ZDHHC11B: variants seen among roughly 807,000 people sequenced by gnomAD.
ZDHHC11B encodes the protein zDHHC palmitoyltransferase 11B (putative).
A neutral mutation model predicts 42.3 loss-of-function variants in ZDHHC11B; 17 were observed. That is an observed-to-expected ratio of 0.40 (90% CI 0.27 to 0.60). ZDHHC11B has a LOEUF of 0.60. Among genes scored for constraint, ZDHHC11B ranks in the 20% least tolerant of loss-of-function variants. ZDHHC11B has a pLI of 0.41. For synonymous variants in ZDHHC11B, 123 were observed against 193.5 expected (o/e 0.64, Z 3.02); for missense variants, 262 against 463.2 (o/e 0.57, Z 3.99).
intron 1 of ZDHHC11B, among the ~76,000 whole-genome samples, chr5:774,874 T>A (rs961111002): frequency 6.6e-6 from 1 of 151,984 alleles, no homozygotes; most frequent in African/African-American, 2.4e-5. Flanking sequence ...GGTGCTCCCT[T>A]GTTCACTGCC....
chr5:759,311 G>C (rs1734274714), intron 4 of ZDHHC11B, among the ~76,000 whole-genome samples: 1 of 151,924 alleles, frequency 6.6e-6, no homozygotes, highest in South Asian at 2.1e-4. Context: ...TCTGCAGGCA[G>C]GAAAAGAGAG....
At chr5:776,463 A>C (rs1310812801) in intron 1 of ZDHHC11B, among the ~76,000 whole-genome samples, 2 of 151,878 alleles carry the variant, frequency 1.3e-5, no homozygotes, top group Non-Finnish European at 2.9e-5. Context: ...GAGACCGGGT[A>C]GGCCCCTGGC....
intron 4 of ZDHHC11B, 125 bp downstream of exon 4, chr5:766,573 T>C (rs1171096579): frequency 1.9e-5 from 21 of 1,087,222 alleles, no homozygotes; most frequent in Middle Eastern, 2.3e-4. Context: ...TCGGGGGACA[T>C]AGTCTGGCCC....
At chr5:730,627 C>T (rs1352746760) in intron 11 of ZDHHC11B, among the ~76,000 whole-genome samples, 159 bp from the exon 12 acceptor site, 1 of 151,732 alleles carries the variant, frequency 6.6e-6, no homozygotes, top group East Asian at 1.9e-4. Context: ...GGTGGCACAG[C>T]ACGCTTCCTC....
At chr5:780,503 G>A (rs565298133) in intron 1 of ZDHHC11B, among the ~76,000 whole-genome samples, 5 of 150,246 alleles carry the variant, frequency 3.3e-5, no homozygotes, top group East Asian at 1.9e-4. Context: ...TGCCCACCAC[G>A]TGGCTTCTGG....
At chr5:783,589 T>C (rs1462290131) in intron 1 of ZDHHC11B, among the ~76,000 whole-genome samples, 9 of 152,148 alleles carry the variant, frequency 5.9e-5, no homozygotes, top group African/African-American at 1.2e-4. Context: ...GCGGTGACAC[T>C]GAGAGGGAAC....
At chr5:737,431 A>C (rs1238595399) in intron 10 of ZDHHC11B, among the ~76,000 whole-genome samples, 5 of 149,276 alleles carry the variant, frequency 3.3e-5, no homozygotes, top group Non-Finnish European at 7.4e-5. Context: ...ATAAGAGGGA[A>C]TCGTCCATAA....
chr5:783,640 AAAC>A (rs1489512509), intron 1 of ZDHHC11B, among the ~76,000 whole-genome samples: 2 of 143,800 alleles, frequency 1.4e-5, no homozygotes, highest in African/African-American at 5.1e-5. Context: ...ACCCCCATCA[AAAC>A]AATAGCCCCC....
intron 10 of ZDHHC11B, 38 bp from the exon 11 acceptor site, chr5:733,877 C>T (rs576076600): frequency 1.3e-6 from 2 of 1,565,784 alleles, no homozygotes; most frequent in East Asian, 4.6e-5. Flanking sequence ...CTCATCTCAG[C>T]TTTGTGGGGG....
intron 11 of ZDHHC11B, 26 bp downstream of exon 11, chr5:733,726 G>A (rs1271193956): frequency 5.6e-6 from 9 of 1,594,620 alleles, no homozygotes; most frequent in Non-Finnish European, 6.9e-6. Flanking sequence ...TGTCCTCAGG[G>A]TGCATTGCTG....
intron 1 of ZDHHC11B, among the ~76,000 whole-genome samples, chr5:777,422 T>TCGCTGCAGACCTCCCTGG (rs1554045105): frequency 4.6e-5 from 7 of 151,748 alleles, no homozygotes; most frequent in Middle Eastern, 3.4e-3. Flanking sequence ...CTGCAGACCT[T>TCGCTGCAGACCTCCCTGG]CGCTGCAGAC....
chr5:717,478 G>C lies in ZDHHC11B; in HGVS notation c.1059-613C>G, dbSNP rs1741841989. ...TGAATGTGTCAGGAATTAGAGACCA[G>C]AAACGCGCAAAATTTTGCTTTGAAA... is the stretch of plus-strand genomic sequence containing the variant. On this transcript the variant is annotated intron_variant, in intron 12 of 13. Coordinates refer to ENST00000508859, the MANE Select transcript of ZDHHC11B (RefSeq NM_001351303.2). Among the ~76,000 whole-genome samples the C allele has an allele frequency of 2.0e-5, 3 of 151,620 alleles. No individual in the cohort carries two copies. The South Asian group carries it at 6.3e-4, about 32-fold the overall frequency.
intron 1 of ZDHHC11B, among the ~76,000 whole-genome samples, chr5:778,505 C>T (rs1736726932): frequency 6.6e-6 from 1 of 151,216 alleles, no homozygotes; most frequent in African/African-American, 2.4e-5. Flanking sequence ...GTCCCTCATC[C>T]AGCGCAGCTT....
chr5:753,643 G>A (rs1329029376), intron 6 of ZDHHC11B, among the ~76,000 whole-genome samples: 6 of 148,186 alleles, frequency 4.0e-5, no homozygotes, highest in African/African-American at 9.8e-5. Context: ...CTTGGCCATC[G>A]TGGAGCTGCT....
chr5:772,801 C>T (rs1436768217), intron 1 of ZDHHC11B, among the ~76,000 whole-genome samples: 10 of 151,922 alleles, frequency 6.6e-5, no homozygotes, highest in Admixed American at 2.0e-4. Flanking sequence ...CAAAGCCCGC[C>T]TCTGCGTGGG....
intron 4 of ZDHHC11B, among the ~76,000 whole-genome samples, chr5:763,954 C>A (rs1156542952): frequency 2.0e-5 from 3 of 151,902 alleles, no homozygotes; most frequent in African/African-American, 7.3e-5. Context: ...CTGGCACCTG[C>A]GGGTCCGCTT....
At chr5:739,208 G>A (rs1380795240) in intron 10 of ZDHHC11B, among the ~76,000 whole-genome samples, 1 of 150,782 alleles carries the variant, frequency 6.6e-6, no homozygotes, top group Non-Finnish European at 1.5e-5. Flanking sequence ...AGACCAGCCT[G>A]GCCAACATGG....
chr5:760,376 C>A (rs533720020), intron 4 of ZDHHC11B, among the ~76,000 whole-genome samples: 122 of 151,752 alleles, frequency 8.0e-4, no homozygotes, highest in African/African-American at 2.7e-3. Context: ...CCAACGGCAG[C>A]AGACACACGC....
chr5:773,357 G>A lies in ZDHHC11B; in HGVS notation c.-229-4427C>T, dbSNP rs1267689221. On this transcript the variant is annotated intron_variant, in intron 1 of 13. Transcript: ENST00000508859. ...CCCCCAGAGGCTCTGCTCTTTCACC[G>A]TGAGGGAAAAGAAGGTTGTGTAGCA... Among the ~76,000 whole-genome samples the A allele has an allele frequency of 2.9e-4, 44 of 151,970 alleles. 1 individual carries two copies. The highest frequency in any genetic ancestry group is 9.2e-4 in the African/African-American group (38 of 41,436).
Sources: gnomAD v4.1 joint callset for allele counts (sites outside exome capture counted in the v4.1 genomes callset) on GRCh38, gnomAD v4.1.1 for gene constraint, MANE v1.5 for transcripts, NCBI Gene and HGNC (gene_info 2026-07-23, HGNC 2026-07-21) for gene names.